Variants in ASAP1 observed in about 807,000 individuals in gnomAD.
ASAP1 encodes the protein arf-GAP with SH3 domain, ANK repeat and PH domain-containing protein 1.
ASAP1 carries 43 observed loss-of-function variants against 145.2 expected under a neutral mutation model. That is an observed-to-expected ratio of 0.30 (90% CI 0.23 to 0.38). The LOEUF (loss-of-function observed/expected upper bound fraction) is 0.38. Among genes scored for constraint, ASAP1 ranks in the 10% least tolerant of loss-of-function variants. The pLI, the probability that ASAP1 is intolerant of heterozygous loss-of-function variation, is 1.00. For synonymous variants in ASAP1, 546 were observed against 515.5 expected, an observed-to-expected ratio of 1.06 and a Z score of -0.80; for missense variants, 1,018 against 1,355.3, an observed-to-expected ratio of 0.75 and a Z score of 3.91.
intron 2 of ASAP1, among the ~76,000 whole-genome samples, chr8:130,398,322 G>A (rs1455304583): frequency 6.6e-6 from 1 of 152,174 alleles, no homozygotes; most frequent in Non-Finnish European, 1.5e-5. Context: ...CATCTGACAA[G>A]TTACTATCCT....
At position 130,053,963 on chromosome 8, in the gene ASAP1, C is replaced by CA. The variant is rs2097398224; in HGVS notation, c.*767dup. 1.3e-5 allele frequency: 2 copies of CA among 152,716 alleles called. No individual in the cohort carries two copies. The highest frequency in any genetic ancestry group is 3.9e-4 in the East Asian group (2 of 5,190). 9.5% of individuals were successfully genotyped at this position (152,716 alleles called of 1,614,324 possible). Reference sequence around the variant, plus strand: ...TAATGTAGAGGCTAATATTTTCTGGCAGTCCTTGGTTCCTGAAATTTGAAC... The same window carrying CA: ...TAATGTAGAGGCTAATATTTTCTGGCAAGTCCTTGGTTCCTGAAATTTGAAC... On this transcript the variant is annotated 3_prime_UTR_variant, in exon 30 of 30. Transcript: ENST00000518721.
intron 3 of ASAP1, among the ~76,000 whole-genome samples, chr8:130,253,786 T>C (rs1819348791): frequency 6.6e-6 from 1 of 152,204 alleles, no homozygotes; most frequent in Admixed American, 6.5e-5. Context: ...GATTTTACTT[T>C]TTCTTAAATA....
chr8:130,103,053 T>C (rs1236868447), intron 24 of ASAP1, among the ~76,000 whole-genome samples: 1 of 152,162 alleles, frequency 6.6e-6, no homozygotes, highest in Non-Finnish European at 1.5e-5. Flanking sequence ...GTCCTGGAGT[T>C]TTCTTTGTTG....
At chr8:130,384,686 T>C (rs1271340007) in intron 2 of ASAP1, among the ~76,000 whole-genome samples, 1 of 152,192 alleles carries the variant, frequency 6.6e-6, no homozygotes, top group Non-Finnish European at 1.5e-5. Flanking sequence ...TTCACCATGT[T>C]GCCCAGGCTG....
In ASAP1 at chr8:130,358,112, T is replaced by C; in HGVS notation, c.91A>G (p.Ile31Val). The C allele has an allele frequency of 6.2e-7, 1 of 1,608,572 alleles. No homozygotes were observed. Among genetic ancestry groups the C allele is most frequent in the Non-Finnish European group, 8.5e-7 (1 of 1,178,308 alleles). Residue 31 changes from isoleucine to valine, a missense_variant, in exon 3 of 30, where the codon ATC becomes GTC. Transcript: ENST00000518721. This position sits in a 1 kb window ranked among gnomAD's most constrained non-coding sequence, Gnocchi z 4.1. ...TTGTAGTCCTCGGTGGTCTCGGCGATGAACTCCGAGACAGAGATCTGGTCC... is the reference window on the plus strand; with the variant it reads ...TTGTAGTCCTCGGTGGTCTCGGCGACGAACTCCGAGACAGAGATCTGGTCC... ...MPDQISVSEF[I>V]AETTEDYNSP...
At chr8:130,418,671 G>A (rs117035642) in intron 1 of ASAP1, among the ~76,000 whole-genome samples, 4,110 of 151,736 alleles carry the variant, frequency 0.027, 64 homozygotes, top group Middle Eastern at 0.044. Flanking sequence ...GTCACTCCCC[G>A]TTCCACCCTC....
intron 27 of ASAP1, among the ~76,000 whole-genome samples, chr8:130,071,048 A>AGAG (rs2097445313): frequency 2.5e-4 from 15 of 59,300 alleles, no homozygotes; most frequent in Admixed American, 1.2e-3. Flanking sequence ...GAGAGAGAGA[A>AGAG]AGCAGAGTTT....
At chr8:130,323,091 C>T (rs1014484017) in intron 3 of ASAP1, among the ~76,000 whole-genome samples, 1 of 152,214 alleles carries the variant, frequency 6.6e-6, no homozygotes, top group Non-Finnish European at 1.5e-5. Context: ...CAGACAACTA[C>T]TGCACAGAAA....
chr8:130,388,600 G>A (rs1315676146), intron 2 of ASAP1, among the ~76,000 whole-genome samples: 1 of 152,192 alleles, frequency 6.6e-6, no homozygotes, highest in Non-Finnish European at 1.5e-5. Flanking sequence ...TTAGAGGTAA[G>A]TTGGAGCAAG....
chr8:130,063,244 A>G (rs1337101820), intron 27 of ASAP1, among the ~76,000 whole-genome samples: 1 of 152,098 alleles, frequency 6.6e-6, no homozygotes, highest in African/African-American at 2.4e-5. Flanking sequence ...TGGTGCAATC[A>G]GGGCTCACTG....
intron 5 of ASAP1, among the ~76,000 whole-genome samples, chr8:130,199,421 G>C (rs1294043016): frequency 1.3e-5 from 2 of 152,202 alleles, no homozygotes; most frequent in South Asian, 2.1e-4. Flanking sequence ...GCACCAGAAT[G>C]GGGGAAGGGG....
intron 3 of ASAP1, among the ~76,000 whole-genome samples, chr8:130,262,457 A>AGAGAGAGAGAGGGT (rs796416744): frequency 7.8e-6 from 1 of 127,804 alleles, no homozygotes; most frequent in African/African-American, 2.9e-5. Context: ...AGAGAGAGAG[A>AGAGAGAGAGAGGGT]ACCTGTGGAA....
At chr8:130,063,597 G>C (rs558501560) in intron 27 of ASAP1, among the ~76,000 whole-genome samples, 4 of 152,232 alleles carry the variant, frequency 2.6e-5, no homozygotes, top group African/African-American at 9.6e-5. Context: ...TGGCCTTCTT[G>C]AGACCTGCTG....
At chr8:130,215,514 C>T (rs964261177) in intron 4 of ASAP1, among the ~76,000 whole-genome samples, 7 of 152,088 alleles carry the variant, frequency 4.6e-5, no homozygotes, top group Middle Eastern at 3.4e-3. Flanking sequence ...GAGGCCAAGG[C>T]GGGCCGATCA....
rs534341495 is a variant in ASAP1 at position 130,134,171 on chromosome 8, G to A, written c.1217+125C>T. Reference sequence around the variant, plus strand: ...GAGCAACATGTGATGGCCCACAGGCGGGAAAGAAGCATGGAGCCACCAGGC... The same window carrying A: ...GAGCAACATGTGATGGCCCACAGGCAGGAAAGAAGCATGGAGCCACCAGGC... On this transcript the variant is annotated intron_variant, in intron 15 of 29. Coordinates refer to ENST00000518721, the MANE Select transcript of ASAP1 (RefSeq NM_018482.4). The A allele has an allele frequency of 7.7e-5, 49 of 634,142 alleles. No homozygotes were observed. In the South Asian group the frequency reaches 1.3e-3, roughly 17 times the overall value. The allele number at this position is 634,142 out of a possible 1,614,324, so 39.3% of individuals were successfully genotyped here.
chr8:130,183,307 A>G (rs148952623), intron 7 of ASAP1, among the ~76,000 whole-genome samples: 152 of 152,254 alleles, frequency 1.0e-3, no homozygotes, highest in Admixed American at 7.8e-4. Context: ...ACAATGGAAC[A>G]ATGCCTTCAA....
chr8:130,250,911 C>A (rs544667721), intron 3 of ASAP1, among the ~76,000 whole-genome samples: 1 of 152,202 alleles, frequency 6.6e-6, no homozygotes, highest in East Asian at 1.9e-4. Flanking sequence ...TACATTCTAA[C>A]GATATCTTTT....
intron 27 of ASAP1, among the ~76,000 whole-genome samples, chr8:130,064,357 A>G (rs2097425651): frequency 6.6e-6 from 1 of 152,188 alleles, no homozygotes; most frequent in South Asian, 2.1e-4. Flanking sequence ...GTGGTGTGTG[A>G]GAGAAACGGA....
intron 3 of ASAP1, among the ~76,000 whole-genome samples, chr8:130,256,609 C>G (rs1273302959): frequency 6.6e-6 from 1 of 151,120 alleles, no homozygotes; most frequent in Admixed American, 6.6e-5. Context: ...GATAAAATTT[C>G]CAGGGCAAAA....
Sources: allele counts gnomAD v4.1 joint callset (sites outside exome capture counted in the v4.1 genomes callset), GRCh38; gene constraint gnomAD v4.1.1; non-coding constraint Gnocchi (gnomAD v3.1); transcripts MANE v1.5; gene names NCBI Gene and HGNC (gene_info 2026-07-23, HGNC 2026-07-21).